Variants in WIPF1 observed in about 807,000 individuals in gnomAD.
The protein encoded by WIPF1 is WAS/WASL interacting protein family member 1, also known as WAS/WASL-interacting protein family member 1.
A neutral mutation model predicts 35.4 loss-of-function variants in WIPF1; 13 were observed. The observed-to-expected ratio is 0.37, with a 90% confidence interval of 0.24 to 0.58. The LOEUF is 0.58. WIPF1 is among the 20% of genes least tolerant of loss of function. The pLI, the probability that WIPF1 is intolerant of heterozygous loss-of-function variation, is 0.74. For missense variants in WIPF1, 591 were observed against 667.0 expected (o/e 0.89, Z 1.25); for synonymous variants, 267 against 266.3 (o/e 1.00, Z -0.02).
At chr2:174,658,478 GATGGAGAGGGTC>G (rs1687692149) in intron 1 of WIPF1, among the ~76,000 whole-genome samples, 2 of 152,168 alleles carry the variant, frequency 1.3e-5, no homozygotes, top group Non-Finnish European at 2.9e-5. Context: ...TGAGAAACAG[GATGGAGAGGGTC>G]ATGGCTGAGC....
chr2:174,595,112 ATATAT>A (rs1559155602), intron 1 of WIPF1, among the ~76,000 whole-genome samples: 4,148 of 48,624 alleles, frequency 0.085, 519 homozygotes, highest in East Asian at 0.21. Context: ...AAAAAAAAAT[ATATAT>A]ATATATATAT....
intron 1 of WIPF1, among the ~76,000 whole-genome samples, chr2:174,619,429 C>T (rs1170835936): frequency 2.0e-5 from 3 of 151,912 alleles, no homozygotes; most frequent in Admixed American, 1.3e-4. Flanking sequence ...ACAGTGAGAC[C>T]CTTTCTCAAA....
chr2:174,626,566 C>G (rs1055235670), intron 1 of WIPF1, among the ~76,000 whole-genome samples: 12 of 152,196 alleles, frequency 7.9e-5, no homozygotes, highest in African/African-American at 2.7e-4. Flanking sequence ...CCCTCCACCC[C>G]AAATTGCTGT....
chr2:174,567,095 G>T lies in WIPF1; in HGVS notation c.1431C>A (p.Ser477Arg), dbSNP rs1175072323. The T allele has an allele frequency of 6.2e-7, 1 of 1,614,210 alleles. No homozygotes were observed. The highest frequency in any genetic ancestry group is 1.3e-5 in the African/African-American group (1 of 75,058). The change falls in exon 7 of 8, where the codon AGC (serine) becomes AGA (arginine). Residue 477 changes from serine (S) to arginine (R), a missense_variant. Coordinates refer to ENST00000679041, the MANE Select transcript of WIPF1 (RefSeq NM_001375834.1). ...TCCGGCTTTCGTTTCTTGCCAGTTT[G>T]CTGGGATAACTTTTGGTCGTTTGTA... ...PYVQTTKSYPSKLARNESRSG... is the reference protein window; with the variant it reads ...PYVQTTKSYPRKLARNESRSG...
chr2:174,668,417 G>C (rs980295453), intron 1 of WIPF1, among the ~76,000 whole-genome samples: 19 of 152,102 alleles, frequency 1.2e-4, no homozygotes, highest in African/African-American at 4.3e-4. Context: ...AAGAAAAAAG[G>C]GTGTGCATTT....
Position 174,585,654 on chromosome 2 carries a change from G to GT in WIPF1, c.-38-44dup, listed in dbSNP as rs1182044136. 6.3e-5 allele frequency: 87 copies of GT among 1,374,508 alleles called. 1 individual carries two copies. The Admixed American group carries it at 1.5e-3, about 24-fold the overall frequency. The allele number at this position is 1,374,508 out of a possible 1,614,324, so 85.1% of individuals were successfully genotyped here. A position where few individuals can be genotyped will look rare whatever the true frequency, so the allele number is the denominator to read the frequency against. On this transcript the variant is annotated intron_variant, in intron 1 of 7. Coordinates refer to ENST00000679041, the MANE Select transcript of WIPF1 (RefSeq NM_001375834.1). ...CGATCATGTATTAGATGTAATCTTA[G>GT]TAATACTGTCCTAATCTGTCTTCAC...
At chr2:174,666,949 C>T (rs1246266830) in intron 1 of WIPF1, among the ~76,000 whole-genome samples, 1 of 152,264 alleles carries the variant, frequency 6.6e-6, no homozygotes, top group Admixed American at 6.5e-5. Flanking sequence ...CCTTTGCCCT[C>T]TGACTAAGAA....
At chr2:174,648,366 ACC>A (rs1687461720) in intron 1 of WIPF1, among the ~76,000 whole-genome samples, 1 of 152,194 alleles carries the variant, frequency 6.6e-6, no homozygotes, top group Admixed American at 6.5e-5. Context: ...CATAATATCC[ACC>A]AATTAGCTTC....
At chr2:174,601,213 C>A (rs967970713), upstream of WIPF1, among the ~76,000 whole-genome samples, 5 of 152,144 alleles carry the variant, frequency 3.3e-5, no homozygotes, top group Non-Finnish European at 7.3e-5. Context: ...AGGTGTGAAC[C>A]ACCACGCTGC....
chr2:174,635,442 T>G (rs1360151429), intron 1 of WIPF1, among the ~76,000 whole-genome samples: 1 of 151,350 alleles, frequency 6.6e-6, no homozygotes, highest in African/African-American at 2.4e-5. Flanking sequence ...CTAGAGAGGC[T>G]GGAGGAGAGC....
intron 4 of WIPF1, among the ~76,000 whole-genome samples, chr2:174,573,679 G>A (rs1473961056): frequency 6.6e-6 from 1 of 152,136 alleles, no homozygotes; most frequent in Non-Finnish European, 1.5e-5. Context: ...AGGTGGGAAA[G>A]AGCTTCAAGT....
At chr2:174,614,512 GA>G (rs955754053) in intron 1 of WIPF1, among the ~76,000 whole-genome samples, 4 of 150,864 alleles carry the variant, frequency 2.7e-5, no homozygotes, top group African/African-American at 7.3e-5. Flanking sequence ...ACGTAAGTGA[GA>G]AAAAAAAACA....
intron 1 of WIPF1, among the ~76,000 whole-genome samples, chr2:174,678,875 C>T (rs928187177): frequency 6.6e-6 from 1 of 152,212 alleles, no homozygotes; most frequent in African/African-American, 2.4e-5. Flanking sequence ...TATGAGATGA[C>T]CGACATGAAA....
At chr2:174,583,923 A>G (rs1685318839) in intron 2 of WIPF1, among the ~76,000 whole-genome samples, 1 of 152,022 alleles carries the variant, frequency 6.6e-6, no homozygotes, top group Non-Finnish European at 1.5e-5. Context: ...GGGCTCAAAC[A>G]ATCCTCCCAT....
At position 174,559,808 on chromosome 2, in the gene WIPF1, T is replaced by C. The variant is rs1684438828; in HGVS notation, c.*2739A>G. On this transcript the variant is annotated 3_prime_UTR_variant, in exon 8 of 8. Coordinates refer to ENST00000679041, the MANE Select transcript of WIPF1 (RefSeq NM_001375834.1). The stretch of plus-strand genomic sequence containing the variant: ...ACTTTAACAATCATCCCATTTCTGC[T>C]ACTAAAATAACAAAACTGGTATTAC... The C allele has an allele frequency of 6.5e-6, 1 of 152,748 alleles. No individual in the cohort carries two copies. Among genetic ancestry groups the C allele is most frequent in the Non-Finnish European group, 1.5e-5 (1 of 68,010 alleles). The allele number at this position is 152,748 out of a possible 1,614,324, so 9.5% of individuals were successfully genotyped here.
intron 1 of WIPF1, among the ~76,000 whole-genome samples, chr2:174,646,545 T>C (rs142798171): frequency 6.3e-4 from 96 of 152,312 alleles, no homozygotes; most frequent in Non-Finnish European, 1.1e-3. Context: ...CTGTTACTAT[T>C]GTAGGTGGAA....
chr2:174,682,034 T>C (rs1457733715), intron 1 of WIPF1, among the ~76,000 whole-genome samples: 2 of 152,240 alleles, frequency 1.3e-5, no homozygotes, highest in Non-Finnish European at 1.5e-5. Flanking sequence ...AACAGTTCTT[T>C]CTTTAAAAAG....
At chr2:174,668,340 G>C (rs1236840423) in intron 1 of WIPF1, among the ~76,000 whole-genome samples, 1 of 152,132 alleles carries the variant, frequency 6.6e-6, no homozygotes, top group Admixed American at 6.5e-5. Context: ...CGCAAGGTTG[G>C]GCAAAATGAT....
chr2:174,653,388 G>A (rs924264850), intron 1 of WIPF1, among the ~76,000 whole-genome samples: 4 of 152,032 alleles, frequency 2.6e-5, no homozygotes, highest in African/African-American at 4.8e-5. Context: ...TGAATATATG[G>A]GGATAGTACC....
Sources: gnomAD v4.1 joint callset for allele counts (sites outside exome capture counted in the v4.1 genomes callset) on GRCh38, gnomAD v4.1.1 for gene constraint, MANE v1.5 for transcripts, NCBI Gene and HGNC (gene_info 2026-07-23, HGNC 2026-07-21) for gene names.